The following RRP15 variants were observed in gnomAD, a reference collection of about 807,000 sequenced individuals.
RRP15 encodes RRP15-like protein.
A neutral mutation model predicts 27.1 loss-of-function variants in RRP15; 18 were observed. The ratio of observed to expected loss-of-function variants is 0.66; its 90% CI spans 0.46 to 0.98. The LOEUF (loss-of-function observed/expected upper bound fraction) is 0.98. Among genes scored for constraint, RRP15 ranks in the 50% least tolerant of loss-of-function variants. The probability of loss-of-function intolerance (pLI) is 0.00; values close to 1 mark genes in which losing one functional copy is unlikely to be tolerated. For synonymous variants in RRP15, 107 were observed against 109.4 expected (o/e 0.98, Z 0.14); for missense variants, 359 against 337.8 (o/e 1.06, Z -0.49).
chr1:218,287,708 T>C (rs1246829784), intron 1 of RRP15, among the ~76,000 whole-genome samples: 1 of 152,194 alleles, frequency 6.6e-6, no homozygotes, highest in Non-Finnish European at 1.5e-5. Context: ...ACTTATATCT[T>C]ACGTGTATTA....
intron 1 of RRP15, among the ~76,000 whole-genome samples, chr1:218,285,790 A>G (rs1451771261): frequency 3.3e-5 from 5 of 152,048 alleles, no homozygotes; most frequent in Admixed American, 2.6e-4. Flanking sequence ...CAGGAGAAGA[A>G]TGGGTCTCAT....
chr1:218,318,035 T>TA, intron 4 of RRP15, among the ~76,000 whole-genome samples: 1 of 152,218 alleles, frequency 6.6e-6, no homozygotes, highest in South Asian at 2.1e-4. Flanking sequence ...AGCTCTTTTA[T>TA]AAAAATTGTC....
chr1:218,321,394 C>T (rs921654252), intron 4 of RRP15, among the ~76,000 whole-genome samples: 1 of 152,190 alleles, frequency 6.6e-6, no homozygotes, highest in Non-Finnish European at 1.5e-5. Flanking sequence ...CTGAAAGACT[C>T]CGTAAGTTGA....
At chr1:218,308,062 C>CTTTTTTTTTTTTTTTTTTT (rs56813511) in intron 4 of RRP15, among the ~76,000 whole-genome samples, 3 of 66,908 alleles carry the variant, frequency 4.5e-5, no homozygotes, top group East Asian at 4.9e-4. Context: ...TTCTTTCTTT[C>CTTTTTTTTTTTTTTTTTTT]TTTTTTTTTT....
intron 1 of RRP15, chr1:218,302,055 G>A (rs992273574): frequency 7.0e-6 from 3 of 428,564 alleles, no homozygotes; most frequent in Non-Finnish European, 1.2e-5. Context: ...CCTGGGTCCT[G>A]GGTTTGGAAG....
chr1:218,299,167 AG>A (rs1489013930), intron 1 of RRP15, among the ~76,000 whole-genome samples: 1 of 152,112 alleles, frequency 6.6e-6, no homozygotes, highest in East Asian at 1.9e-4. Flanking sequence ...GTATGCTGGG[AG>A]ACTTCATTAC....
At chr1:218,313,094 A>G (rs1400128838) in intron 4 of RRP15, among the ~76,000 whole-genome samples, 1 of 152,178 alleles carries the variant, frequency 6.6e-6, no homozygotes, top group Non-Finnish European at 1.5e-5. Context: ...ATTTTAGACT[A>G]AGGAGGTACA....
At chr1:218,310,823 A>T (rs186113062) in intron 4 of RRP15, among the ~76,000 whole-genome samples, 5 of 152,004 alleles carry the variant, frequency 3.3e-5, no homozygotes, top group East Asian at 3.9e-4. Flanking sequence ...ATCTCAGCTC[A>T]TTGCAACTTC....
At chr1:218,288,733 G>T (rs182708755) in intron 1 of RRP15, among the ~76,000 whole-genome samples, 37 of 152,308 alleles carry the variant, frequency 2.4e-4, no homozygotes, top group Admixed American at 2.6e-4. Context: ...GGAAAGAAAG[G>T]ATTGGGGACA....
chr1:218,298,959 T>C (rs188827188), intron 1 of RRP15, among the ~76,000 whole-genome samples: 1 of 152,198 alleles, frequency 6.6e-6, no homozygotes, highest in Non-Finnish European at 1.5e-5. Flanking sequence ...TTCAAAGGCA[T>C]TTTTTACTTG....
chr1:218,309,387 A>G (rs1232625489), intron 4 of RRP15, among the ~76,000 whole-genome samples: 1 of 152,158 alleles, frequency 6.6e-6, no homozygotes, highest in Non-Finnish European at 1.5e-5. Context: ...AGTTACTGAT[A>G]TAAAGCATAT....
At position 218,302,688 on chromosome 1, in the gene RRP15, G is replaced by A. The variant is rs191274604; in HGVS notation, c.405+129G>A. 6.0e-3 allele frequency: 8,283 copies of A among 1,370,100 alleles called. 39 individuals are homozygous for A. Among genetic ancestry groups the A allele is most frequent in the Non-Finnish European group, 7.1e-3 (7,177 of 1,012,482 alleles). 84.9% of individuals were successfully genotyped at this position (1,370,100 alleles called of 1,614,324 possible). A position where few individuals can be genotyped will look rare whatever the true frequency, so the allele number is the denominator to read the frequency against. On this transcript the variant is annotated intron_variant, in intron 2 of 4. Coordinates refer to ENST00000366932, the MANE Select transcript of RRP15 (RefSeq NM_016052.4). Reference sequence around the variant, plus strand: ...TTTAACTTGTTTTTTATGTGAAGGTGGATAACTAAGGTTATGTTTAGGAAT... The same window carrying A: ...TTTAACTTGTTTTTTATGTGAAGGTAGATAACTAAGGTTATGTTTAGGAAT...
In RRP15 at chr1:218,335,296, T is replaced by C. The variant is rs1215318667; in HGVS notation, c.*4205T>C. Reference sequence around the variant, plus strand: ...CTTTCTTAAAATACCTGTTCCAACATTGCTCACCTTTCTTCTCCCTCCTTT... The same window carrying C: ...CTTTCTTAAAATACCTGTTCCAACACTGCTCACCTTTCTTCTCCCTCCTTT... On this transcript the variant is annotated 3_prime_UTR_variant, in exon 5 of 5. Coordinates refer to ENST00000366932, the MANE Select transcript of RRP15 (RefSeq NM_016052.4). 6.6e-6 allele frequency: 1 copy of C among 152,212 alleles called. No homozygotes were observed. Among genetic ancestry groups the C allele is most frequent in the African/African-American group, 2.4e-5 (1 of 41,444 alleles). The allele number at this position is 152,212 out of a possible 1,614,324, so 9.4% of individuals were successfully genotyped here. A position where few individuals can be genotyped will look rare whatever the true frequency, so the allele number is the denominator to read the frequency against.
chr1:218,285,333 C>A lies in RRP15; in HGVS notation c.17C>A (p.Pro6Gln), dbSNP rs200861386. 2.5e-5 allele frequency: 40 copies of A among 1,613,814 alleles called. No homozygotes were observed. The South Asian group carries it at 3.7e-4, about 15-fold the overall frequency. ...CGCAGAAAAATGGCAGCCGCCGCTC[C>A]GGACTCACGTGTGAGTGAGGAAGAA... MAAAA[P>Q]DSRVSEEENL... The change falls in exon 1 of 5, where the codon CCG (proline) becomes CAG (glutamine). Residue 6 changes from proline (P) to glutamine (Q), a missense_variant. By Grantham distance (76) the Pro-to-Gln change is moderately conservative (BLOSUM62 -1). Coordinates refer to ENST00000366932, the MANE Select transcript of RRP15 (RefSeq NM_016052.4).
Position 218,315,611 on chromosome 1 carries a change from A to T in RRP15, c.705+7979A>T, listed in dbSNP as rs984800720. Among the ~76,000 whole-genome samples the T allele has an allele frequency of 3.4e-3, 460 of 133,582 alleles. 1 individual carries two copies. Among genetic ancestry groups the T allele is most frequent in the East Asian group, 0.012 (56 of 4,832 alleles). The allele number at this position is 133,582 out of a possible 152,430, so 87.6% of individuals were successfully genotyped here. A position where few individuals can be genotyped will look rare whatever the true frequency, so the allele number is the denominator to read the frequency against. On this transcript the variant is annotated intron_variant, in intron 4 of 4. Transcript: ENST00000366932. ...CCTGGCTTTATTTTTTTATTATTTTATTTTTTTTTTTTTGTATTTTTAGTA... is the reference window on the plus strand; with the variant it reads ...CCTGGCTTTATTTTTTTATTATTTTTTTTTTTTTTTTTTGTATTTTTAGTA...
Position 218,334,158 on chromosome 1 carries a change from C to G in RRP15, c.*3067C>G, listed in dbSNP as rs1184656057. The G allele has an allele frequency of 6.6e-6, 1 of 152,084 alleles. No individual in the cohort carries two copies. Among genetic ancestry groups the G allele is most frequent in the African/African-American group, 2.4e-5 (1 of 41,410 alleles). 9.4% of individuals were successfully genotyped at this position (152,084 alleles called of 1,614,324 possible). ...TGATTAGGACTGAAAATAGAATTAT[C>G]TTAGTAGTTTAGCACTTTTTATAAT... On this transcript the variant is annotated 3_prime_UTR_variant, in exon 5 of 5. Transcript: ENST00000366932.
At chr1:218,304,183 A>C (rs1335689312) in intron 2 of RRP15, among the ~76,000 whole-genome samples, 2 of 152,232 alleles carry the variant, frequency 1.3e-5, no homozygotes, top group Non-Finnish European at 2.9e-5. Flanking sequence ...ATAGAAGAGT[A>C]AAGGCATAGA....
chr1:218,316,402 A>T (rs1656090552), intron 4 of RRP15, among the ~76,000 whole-genome samples: 1 of 152,202 alleles, frequency 6.6e-6, no homozygotes, highest in Non-Finnish European at 1.5e-5. Flanking sequence ...TTAAAAATGC[A>T]TTATATTAAG....
At chr1:218,291,173 C>T (rs973548122) in intron 1 of RRP15, among the ~76,000 whole-genome samples, 3 of 151,284 alleles carry the variant, frequency 2.0e-5, no homozygotes, top group Admixed American at 1.3e-4. Flanking sequence ...CATGGTGGCT[C>T]ACACCTGTAA....
Sources: gnomAD v4.1 joint callset for allele counts (sites outside exome capture counted in the v4.1 genomes callset) on GRCh38, gnomAD v4.1.1 for gene constraint, MANE v1.5 for transcripts, NCBI Gene and HGNC (gene_info 2026-07-23, HGNC 2026-07-21) for gene names.